FREM1: variants seen among roughly 807,000 people sequenced by gnomAD.
FREM1 encodes FRAS1-related extracellular matrix protein 1.
In FREM1, 220 loss-of-function variants were observed where a neutral mutation model predicts 210.1. The observed-to-expected ratio is 1.05, with a 90% CI of 0.94 to 1.17. The LOEUF is 1.17. Ranked by LOEUF, FREM1 falls within the 50% of genes most tolerant of loss-of-function variation. The pLI is 0.00. For missense variants in FREM1, 3,454 were observed against 2,675.5 expected (o/e 1.29, Z -6.42); for synonymous variants, 1,189 against 980.2 (o/e 1.21, Z -3.98).
chr9:14,902,105 C>T (rs540574474), intron 1 of FREM1, among the ~76,000 whole-genome samples: 1 of 152,088 alleles, frequency 6.6e-6, no homozygotes, highest in East Asian at 1.9e-4. Context: ...CTTGGCCTCC[C>T]GAAGTGCTAG....
At chr9:14,852,587 G>A (rs7044206) in intron 5 of FREM1, among the ~76,000 whole-genome samples, 3,315 of 152,230 alleles carry the variant, frequency 0.022, 119 homozygotes, top group African/African-American at 0.074. Flanking sequence ...CCAATTACTC[G>A]AGTGGCTGAA....
At chr9:14,883,399 A>C (rs1406612388) in intron 1 of FREM1, among the ~76,000 whole-genome samples, 1 of 152,184 alleles carries the variant, frequency 6.6e-6, no homozygotes, top group Non-Finnish European at 1.5e-5. Flanking sequence ...GTTTGGTTTT[A>C]TTTGCATTCT....
chr9:14,797,462 T>G (rs1404617062), intron 21 of FREM1, 36 bp downstream of exon 21: 1 of 1,556,302 alleles, frequency 6.4e-7, no homozygotes, highest in Non-Finnish European at 8.7e-7. Context: ...TAGAATTGTA[T>G]AGAAATCTGA....
chr9:14,833,007 T>A (rs973727015), intron 10 of FREM1, among the ~76,000 whole-genome samples: 1 of 152,152 alleles, frequency 6.6e-6, no homozygotes, highest in African/African-American at 2.4e-5. Context: ...GGCCTCCAAC[T>A]TGTTTCATGT....
At chr9:14,751,104 TG>T (rs1843290723) in intron 29 of FREM1, among the ~76,000 whole-genome samples, 1 of 152,200 alleles carries the variant, frequency 6.6e-6, no homozygotes, top group Admixed American at 6.5e-5. Context: ...TTCTATGATG[TG>T]GATCATAGGA....
chr9:14,860,594 C>CATACCCAT (rs1829715517), intron 3 of FREM1, among the ~76,000 whole-genome samples: 1 of 84,202 alleles, frequency 1.2e-5, no homozygotes, highest in African/African-American at 6.9e-5. Context: ...CATATATATA[C>CATACCCAT]ATATATACAC....
chr9:14,740,773 T>C (rs1041721632), intron 35 of FREM1, among the ~76,000 whole-genome samples: 1 of 152,202 alleles, frequency 6.6e-6, no homozygotes, highest in African/African-American at 2.4e-5. Context: ...CAAACCTTCA[T>C]ATAATGCACA....
chr9:14,894,064 TTTA>T (rs1420558729), intron 1 of FREM1, among the ~76,000 whole-genome samples: 2 of 152,226 alleles, frequency 1.3e-5, no homozygotes, highest in Admixed American at 6.5e-5. Flanking sequence ...TCTATAAGGT[TTTA>T]TTAAGAATTG....
chr9:14,859,925 G>C (rs1829497987), intron 3 of FREM1, among the ~76,000 whole-genome samples: 1 of 152,148 alleles, frequency 6.6e-6, no homozygotes, highest in Non-Finnish European at 1.5e-5. Context: ...GTCATTTGCA[G>C]CCTAGTTTGG....
chr9:14,824,141 T>G, intron 11 of FREM1, 26 bp from the exon 12 acceptor site: 2 of 1,418,346 alleles, frequency 1.4e-6, no homozygotes, highest in Non-Finnish European at 2.0e-6. Context: ...GAGGAGCACA[T>G]CAGCTCATTT....
chr9:14,775,282 T>C (rs1041381783), intron 25 of FREM1, among the ~76,000 whole-genome samples: 2 of 152,198 alleles, frequency 1.3e-5, no homozygotes, highest in Non-Finnish European at 2.9e-5. Flanking sequence ...CTCCTTTCTG[T>C]GCTACCATCA....
chr9:14,850,885 A>T (rs947242198), intron 6 of FREM1, among the ~76,000 whole-genome samples: 2 of 152,234 alleles, frequency 1.3e-5, no homozygotes, highest in Non-Finnish European at 2.9e-5. Context: ...TAGCTAGCAC[A>T]ATACGTTTCA....
chr9:14,818,309 G>A (rs367975804), intron 14 of FREM1, among the ~76,000 whole-genome samples: 1 of 152,184 alleles, frequency 6.6e-6, no homozygotes, highest in African/African-American at 2.4e-5. Flanking sequence ...TTTTAACAAG[G>A]ATAGGAGTGC....
At chr9:14,750,305 T>G (rs1394347611) in intron 29 of FREM1, 29 bp from the exon 30 acceptor site, 1 of 1,557,534 alleles carries the variant, frequency 6.4e-7, no homozygotes, top group Admixed American at 1.7e-5. Context: ...TTAATTACTC[T>G]TTAATTGCTA....
Position 14,770,805 on chromosome 9 carries a change from A to G in FREM1, c.4859T>C (p.Val1620Ala), listed in dbSNP as rs190763692. 342 of 1,608,960 alleles carry G rather than the reference A, an allele frequency of 2.1e-4. 1 individual carries two copies. In the East Asian group the frequency reaches 5.6e-3, roughly 26 times the overall value. ...AGGAGCTGTTTTGTCCAATTGGTCT[A>G]CCTGGATCATCAACAATGACATAAA... is the stretch of plus-strand genomic sequence containing the variant. ...WEEPVLFTIQ[V>A]DQLDKTAPRI... The change falls in exon 26 of 37, where the codon GTA becomes GCA. Residue 1620 changes from valine to alanine, a missense_variant and splice_region_variant. Coordinates refer to ENST00000380880, the MANE Select transcript of FREM1 (RefSeq NM_001379081.2).
chr9:14,801,198 A>G (rs1817219232), intron 20 of FREM1, among the ~76,000 whole-genome samples: 1 of 152,152 alleles, frequency 6.6e-6, no homozygotes, highest in African/African-American at 2.4e-5. Flanking sequence ...GGGTTTCACC[A>G]TGTTGGCCAG....
At chr9:14,764,147 TTCC>T (rs1404137072) in intron 27 of FREM1, among the ~76,000 whole-genome samples, 11 of 152,164 alleles carry the variant, frequency 7.2e-5, no homozygotes, top group Non-Finnish European at 1.2e-4. Flanking sequence ...TACGAGGGGT[TTCC>T]CTTTTCACTT....
At chr9:14,834,779 T>G (rs1171346575) in intron 10 of FREM1, among the ~76,000 whole-genome samples, 1 of 152,228 alleles carries the variant, frequency 6.6e-6, no homozygotes, top group East Asian at 1.9e-4. Context: ...CTAATATATG[T>G]TCAAAAATTG....
At chr9:14,796,898 C>G (rs1292198534) in intron 21 of FREM1, among the ~76,000 whole-genome samples, 1 of 152,128 alleles carries the variant, frequency 6.6e-6, no homozygotes, top group Admixed American at 6.5e-5. Flanking sequence ...CAGACTAATA[C>G]AGGGAGATAC....
Sources: allele counts gnomAD v4.1 joint callset (sites outside exome capture counted in the v4.1 genomes callset), GRCh38; gene constraint gnomAD v4.1.1; transcripts MANE v1.5; gene names NCBI Gene and HGNC (gene_info 2026-07-23, HGNC 2026-07-21).